Variants in SLC67A2 observed in about 807,000 individuals in gnomAD.
SLC67A2 encodes solute carrier family 67 member A2.
the SLC67A2 span, chr2:102,716,749 C>A: frequency 1.3e-5 from 2 of 152,178 alleles, no homozygotes; most frequent in African/African-American, 2.4e-5. Context: ...AACAGGCATA[C>A]CATCCTAGTG....
the SLC67A2 span, among the ~76,000 whole-genome samples, chr2:102,728,669 G>C: frequency 6.6e-6 from 1 of 152,092 alleles, no homozygotes; most frequent in African/African-American, 2.4e-5. Flanking sequence ...TCACAGGGCA[G>C]TGGTATAATC....
the SLC67A2 span, chr2:102,718,524 G>T: frequency 4.5e-5 from 73 of 1,613,418 alleles, no homozygotes; most frequent in South Asian, 6.6e-5. Context: ...AGGCTGGGGG[G>T]GCCGCAAGGG....
chr2:102,728,416 G>A, the SLC67A2 span, among the ~76,000 whole-genome samples: 1 of 152,150 alleles, frequency 6.6e-6, no homozygotes, highest in African/African-American at 2.4e-5. Flanking sequence ...ATTGCCAAGT[G>A]TAGCTGTTCA....
the SLC67A2 span, among the ~76,000 whole-genome samples, chr2:102,731,332 G>A: frequency 6.6e-5 from 10 of 152,158 alleles, no homozygotes; most frequent in East Asian, 3.9e-4. Flanking sequence ...AAAAGGTGAC[G>A]TTATGGACGC....
the SLC67A2 span, among the ~76,000 whole-genome samples, chr2:102,724,266 T>A: frequency 3.9e-5 from 6 of 152,274 alleles, no homozygotes; most frequent in Admixed American, 2.6e-4. Flanking sequence ...AAAGCGAGTT[T>A]TCACTCTTTA....
chr2:102,730,061 T>C, the SLC67A2 span, among the ~76,000 whole-genome samples: 1 of 152,174 alleles, frequency 6.6e-6, no homozygotes, highest in African/African-American at 2.4e-5. Context: ...CTGAACCGCC[T>C]GAACCACTGG....
the SLC67A2 span, chr2:102,732,476 A>C: frequency 1.2e-5 from 15 of 1,289,468 alleles, no homozygotes; most frequent in Non-Finnish European, 1.6e-5. Flanking sequence ...TAAAAATTTA[A>C]ACTAATTTAA....
At chr2:102,718,618 G>A in the SLC67A2 span, 3 of 1,613,774 alleles carry the variant, frequency 1.9e-6, no homozygotes, top group Non-Finnish European at 2.5e-6. Context: ...CAATAAGGGT[G>A]CCGCTGGCCT....
At chr2:102,727,615 C>A in the SLC67A2 span, among the ~76,000 whole-genome samples, 1 of 152,198 alleles carries the variant, frequency 6.6e-6, no homozygotes, top group Admixed American at 6.5e-5. Context: ...AATAACGCTA[C>A]AATAGGCATC....
At chr2:102,731,056 C>T in the SLC67A2 span, 30 of 1,613,458 alleles carry the variant, frequency 1.9e-5, no homozygotes, top group Non-Finnish European at 2.5e-5. Context: ...TTGCAAAATG[C>T]CATAGGAGGA....
chr2:102,736,805 C>T, the SLC67A2 span: 7 of 1,602,340 alleles, frequency 4.4e-6, no homozygotes, highest in Non-Finnish European at 3.4e-6. Flanking sequence ...GACCCCCAAG[C>T]TCCATACCCG....
At chr2:102,721,011 C>T in the SLC67A2 span, among the ~76,000 whole-genome samples, 349 of 152,254 alleles carry the variant, frequency 2.3e-3, 2 homozygotes, top group African/African-American at 7.9e-3. Context: ...ATTCTATTGG[C>T]CCCAGCCTGC....
At chr2:102,720,716 T>C in the SLC67A2 span, among the ~76,000 whole-genome samples, 3 of 152,210 alleles carry the variant, frequency 2.0e-5, no homozygotes, top group East Asian at 3.8e-4. Context: ...AAGCAGGGAT[T>C]TGAACCTGAG....
the SLC67A2 span, chr2:102,726,767 G>C: frequency 1.3e-6 from 2 of 1,521,896 alleles, no homozygotes; most frequent in African/African-American, 2.8e-5. Flanking sequence ...GGTGGCCCAG[G>C]AGGAAGCGTG....
At chr2:102,721,657 CTGTGTG>C in the SLC67A2 span, among the ~76,000 whole-genome samples, 7 of 148,904 alleles carry the variant, frequency 4.7e-5, no homozygotes, top group African/African-American at 1.7e-4. Context: ...GCTCATAGTC[CTGTGTG>C]TGTGTGTGTG....
chr2:102,728,397 T>A, the SLC67A2 span, among the ~76,000 whole-genome samples: 1 of 152,180 alleles, frequency 6.6e-6, no homozygotes, highest in Non-Finnish European at 1.5e-5. Context: ...AGGCCACTAC[T>A]GCATGCCAAT....
At chr2:102,726,154 G>T in the SLC67A2 span, among the ~76,000 whole-genome samples, 1 of 152,220 alleles carries the variant, frequency 6.6e-6, no homozygotes, top group Non-Finnish European at 1.5e-5. Flanking sequence ...ACAAGCTGCT[G>T]TATCATAATC....
chr2:102,723,789 C>A, the SLC67A2 span: 1 of 1,614,150 alleles, frequency 6.2e-7, no homozygotes, highest in South Asian at 1.1e-5. Context: ...GACCACGGGG[C>A]CCAAGATGAA....
the SLC67A2 span, chr2:102,731,133 TAAC>T: frequency 7.3e-7 from 1 of 1,377,850 alleles, no homozygotes; most frequent in Non-Finnish European, 1.0e-6. Context: ...ATTAATGTGA[TAAC>T]AATTACACAG....
Sources: allele counts gnomAD v4.1 joint callset (sites outside exome capture counted in the v4.1 genomes callset), GRCh38; gene constraint gnomAD v4.1.1; transcripts MANE v1.5; gene names NCBI Gene and HGNC (gene_info 2026-07-23, HGNC 2026-07-21).